The following GTF2F2 variants were observed in gnomAD, a reference collection of about 807,000 sequenced individuals.
GTF2F2 encodes the protein general transcription factor IIF subunit 2, also known as ATP-dependent helicase GTF2F2.
In GTF2F2, 23 loss-of-function variants were observed where a neutral mutation model predicts 42.2. That is an observed-to-expected ratio of 0.55 (90% CI 0.39 to 0.77). The LOEUF is 0.77. GTF2F2 is among the 30% of genes least tolerant of loss of function. The pLI, the probability that GTF2F2 is intolerant of heterozygous loss-of-function variation, is 0.00. For synonymous variants in GTF2F2, 105 were observed against 100.8 expected (o/e 1.04, Z -0.25); for missense variants, 261 against 287.2 (o/e 0.91, Z 0.66).
At chr13:45,185,225 C>T (rs1014053482) in intron 4 of GTF2F2, among the ~76,000 whole-genome samples, 1 of 152,100 alleles carries the variant, frequency 6.6e-6, no homozygotes, top group African/African-American at 2.4e-5. Context: ...TTTCTTCTGT[C>T]TTATTAAGGA....
chr13:45,212,475 C>CTTTTCTTTTCT (rs368606152), intron 5 of GTF2F2, among the ~76,000 whole-genome samples: 14 of 90,428 alleles, frequency 1.5e-4, no homozygotes, highest in African/African-American at 2.8e-4. Context: ...TTCTTTCTTT[C>CTTTTCTTTTCT]TTTCTTTCTT....
chr13:45,150,022 A>G (rs1285204488), intron 3 of GTF2F2, among the ~76,000 whole-genome samples: 2 of 152,200 alleles, frequency 1.3e-5, no homozygotes, highest in African/African-American at 4.8e-5. Context: ...TGGTACCATG[A>G]AACTGAGTAA....
At chr13:45,234,706 A>C (rs9534071) in intron 5 of GTF2F2, among the ~76,000 whole-genome samples, 42,410 of 152,100 alleles carry the variant, frequency 0.28, 6,928 homozygotes, top group African/African-American at 0.43. Context: ...ATACCAGACC[A>C]GAAACCTATA....
chr13:45,158,796 G>A (rs1870893376), intron 4 of GTF2F2, among the ~76,000 whole-genome samples: 1 of 152,184 alleles, frequency 6.6e-6, no homozygotes, highest in Admixed American at 6.5e-5. Context: ...TTGGGATTGA[G>A]CACAGAGTGA....
intron 6 of GTF2F2, among the ~76,000 whole-genome samples, chr13:45,262,035 G>A (rs1423142493): frequency 2.6e-5 from 4 of 152,048 alleles, no homozygotes; most frequent in African/African-American, 9.7e-5. Context: ...ATACCACAGA[G>A]CAGAATTTGG....
intron 7 of GTF2F2, among the ~76,000 whole-genome samples, chr13:45,272,878 C>G (rs995093985): frequency 6.7e-5 from 10 of 150,024 alleles, no homozygotes; most frequent in African/African-American, 2.5e-4. Context: ...ACCTCAGCCT[C>G]TTGAGTAGTT....
At chr13:45,167,001 A>G (rs1375378065) in intron 4 of GTF2F2, among the ~76,000 whole-genome samples, 1 of 152,172 alleles carries the variant, frequency 6.6e-6, no homozygotes, top group Non-Finnish European at 1.5e-5. Context: ...ACCAGCCGTT[A>G]GACAGCTGTG....
intron 5 of GTF2F2, among the ~76,000 whole-genome samples, chr13:45,208,063 G>A (rs1347836306): frequency 1.3e-5 from 2 of 151,664 alleles, no homozygotes; most frequent in Admixed American, 1.3e-4. Flanking sequence ...AGTGAAGGCT[G>A]CAGTGAGCTG....
At chr13:45,205,966 G>T (rs748721386) in intron 4 of GTF2F2, among the ~76,000 whole-genome samples, 1 of 152,116 alleles carries the variant, frequency 6.6e-6, no homozygotes, top group Non-Finnish European at 1.5e-5. Context: ...GCTTCAGCAA[G>T]AGCCAAACTT....
intron 4 of GTF2F2, among the ~76,000 whole-genome samples, chr13:45,170,384 T>C (rs569092751): frequency 6.6e-6 from 1 of 152,226 alleles, no homozygotes; most frequent in Admixed American, 6.5e-5. Context: ...AATTTTTCTT[T>C]CTCCCACTTA....
chr13:45,210,198 G>A (rs535161700), intron 5 of GTF2F2, among the ~76,000 whole-genome samples: 6 of 152,248 alleles, frequency 3.9e-5, no homozygotes, highest in African/African-American at 1.4e-4. Context: ...ATGATCTACA[G>A]GGTCCTATGT....
chr13:45,207,795 T>TATAC (rs1310926897), intron 5 of GTF2F2, among the ~76,000 whole-genome samples: 1 of 152,194 alleles, frequency 6.6e-6, no homozygotes, highest in Non-Finnish European at 1.5e-5. Context: ...TTTAAAGACA[T>TATAC]GTATAAGATC....
At chr13:45,241,641 A>G (rs760118768) in intron 5 of GTF2F2, among the ~76,000 whole-genome samples, 2 of 152,150 alleles carry the variant, frequency 1.3e-5, no homozygotes, top group African/African-American at 2.4e-5. Flanking sequence ...TTTATTGGCT[A>G]TTTCCTACAG....
chr13:45,207,467 C>T lies in GTF2F2; in HGVS notation c.348C>T (p.Cys116=). The T allele has an allele frequency of 6.2e-7, 1 of 1,610,980 alleles. No homozygotes were observed. Among genetic ancestry groups the T allele is most frequent in the East Asian group, 2.2e-5 (1 of 44,838 alleles). Residue 116 remains cysteine, a synonymous_variant, in exon 5 of 8, where the codon TGC becomes TGT. Coordinates refer to ENST00000340473, the MANE Select transcript of GTF2F2 (RefSeq NM_004128.3). ...GAATAGTGGTACAAAGAGCTGAATGCCGACCAGCTGCCAGTGAAAACTACA... is the reference window on the plus strand; with the variant it reads ...GAATAGTGGTACAAAGAGCTGAATGTCGACCAGCTGCCAGTGAAAACTACA... The part of the protein sequence containing the change: ...LEGIVVQRAE[C]RPAASENYMR...
At chr13:45,181,466 C>T (rs1872165014) in intron 4 of GTF2F2, among the ~76,000 whole-genome samples, 3 of 152,060 alleles carry the variant, frequency 2.0e-5, no homozygotes, top group African/African-American at 4.8e-5. Context: ...ACATTTTAAG[C>T]ATGTCAATTA....
intron 4 of GTF2F2, among the ~76,000 whole-genome samples, chr13:45,181,192 A>AC (rs200463433): frequency 0.12 from 17,831 of 145,730 alleles, 3,384 homozygotes; most frequent in African/African-American, 0.41. Flanking sequence ...AAACAAACAA[A>AC]AAAAAAAAAA....
intron 2 of GTF2F2, among the ~76,000 whole-genome samples, chr13:45,140,969 A>T (rs984780617): frequency 6.6e-6 from 1 of 152,212 alleles, no homozygotes; most frequent in African/African-American, 2.4e-5. Context: ...TCTTGTTTGT[A>T]AAATGTGGAT....
chr13:45,194,644 C>G, intron 4 of GTF2F2: 2 of 1,306,634 alleles, frequency 1.5e-6, no homozygotes, highest in Non-Finnish European at 2.1e-6. Flanking sequence ...CACAAGCACG[C>G]CTTTATTCAG....
At chr13:45,248,173 C>T (rs1875724763) in intron 5 of GTF2F2, among the ~76,000 whole-genome samples, 1 of 152,058 alleles carries the variant, frequency 6.6e-6, no homozygotes, top group African/African-American at 2.4e-5. Flanking sequence ...AGTTTTATTT[C>T]ATTAGAATGA....
Sources: allele counts gnomAD v4.1 joint callset (sites outside exome capture counted in the v4.1 genomes callset), GRCh38; gene constraint gnomAD v4.1.1; transcripts MANE v1.5; gene names NCBI Gene and HGNC (gene_info 2026-07-23, HGNC 2026-07-21).